Variants in RAB34 observed in about 807,000 individuals in gnomAD.
The protein encoded by RAB34 is ras-related protein Rab-34.
Under a neutral mutation model 39.0 loss-of-function variants are expected in RAB34, and 33 were observed. The ratio of observed to expected loss-of-function variants is 0.85; its 90% CI spans 0.64 to 1.13. RAB34 has a LOEUF of 1.13. Ranked by LOEUF, RAB34 falls within the 50% of genes most tolerant of loss-of-function variation. The pLI, the probability that RAB34 is intolerant of heterozygous loss-of-function variation, is 0.00. For missense variants in RAB34, 289 were observed against 326.1 expected (o/e 0.89, Z 0.88); for synonymous variants, 135 against 125.1 (o/e 1.08, Z -0.53).
Position 28,715,184 on chromosome 17 carries a change from G to C in RAB34, c.513+11C>G, listed in dbSNP as rs550662761. Reference sequence around the variant, plus strand: ...CACCAAGCTGGGAAGTCCCCCCACTGGCACACTCACACTCAGATCCTTCTT... The same window carrying C: ...CACCAAGCTGGGAAGTCCCCCCACTCGCACACTCACACTCAGATCCTTCTT... On this transcript the variant is annotated intron_variant, in intron 7 of 9. Coordinates refer to ENST00000395245, the MANE Select transcript of RAB34 (RefSeq NM_031934.6). 1 of 1,613,850 alleles carries C rather than the reference G, an allele frequency of 6.2e-7. No individual in the cohort carries two copies. The highest frequency in any genetic ancestry group is 8.5e-7 in the Non-Finnish European group (1 of 1,179,812).
In RAB34 at chr17:28,715,047, C is replaced by T; in HGVS notation, c.589G>A (p.Val197Ile). ...TCCAACTCACCAGTGAGAGATGAGA[C>T]TGCCCAGTACTCAGCCTTCATCTCC... ...AQEMKAEYWA[V>I]SSLTGENVRE... Residue 197 changes from valine to isoleucine, a missense_variant, in exon 8 of 10, where the codon GTC (valine) becomes ATC (isoleucine). Coordinates refer to ENST00000395245, the MANE Select transcript of RAB34 (RefSeq NM_031934.6). 1 of 1,614,008 alleles carries T rather than the reference C, an allele frequency of 6.2e-7. No homozygotes were observed. Among genetic ancestry groups the T allele is most frequent in the Non-Finnish European group, 8.5e-7 (1 of 1,179,934 alleles).
In RAB34 at chr17:28,716,027, C is replaced by G. The variant is rs781568212; in HGVS notation, c.178G>C (p.Asp60His). The change falls in exon 3 of 10, where the codon GAC (aspartate) becomes CAC (histidine). Residue 60 changes from aspartate to histidine, a missense_variant. Asp to His is a moderately conservative substitution (Grantham distance 81). Transcript: ENST00000395245. ...AGGCAAGTCTTCCCCACCGACAGGT[C>G]CCCCACCACAATGACCTTGGAGATC... ...FKISKVIVVG[D>H]LSVGKTCLIN... 6.2e-7 allele frequency: 1 copy of G among 1,614,008 alleles called. No homozygotes were observed. The highest frequency in any genetic ancestry group is 1.1e-5 in the South Asian group (1 of 91,060).
At chr17:28,716,344 A>G (rs960913901) in intron 2 of RAB34, 1 of 446,392 alleles carries the variant, frequency 2.2e-6, no homozygotes, top group African/African-American at 2.0e-5. Flanking sequence ...ACATTTAAGT[A>G]AAGTTAGTAT....
rs1282012964 is a variant in RAB34, at chr17:28,715,662, T to A, written c.358A>T (p.Thr120Ser). The change falls in exon 5 of 10, where the codon ACC becomes TCC. Residue 120 changes from threonine (T) to serine (S), a missense_variant. Transcript: ENST00000395245. ...TTACCTTGAGCTCCTCTATAGTAGG[T>A]TGATGCAATGCATTTGAACCTCTCC... ...GQERFKCIAS[T>S]YYRGAQAIII... The A allele has an allele frequency of 1.2e-6, 2 of 1,613,928 alleles. No homozygotes were observed. The highest frequency in any genetic ancestry group is 1.7e-6 in the Non-Finnish European group (2 of 1,180,010).
rs1433182557 is a variant in RAB34 at position 28,714,427 on chromosome 17, C to T, written c.*216G>A. The T allele has an allele frequency of 6.4e-6, 6 of 942,208 alleles. No homozygotes were observed. Among genetic ancestry groups the T allele is most frequent in the Non-Finnish European group, 9.9e-6 (6 of 605,466 alleles). 58.4% of individuals were successfully genotyped at this position (942,208 alleles called of 1,614,324 possible). Reference sequence around the variant, plus strand: ...TACCACTGGGCGCCCTGGACAGTCCCCTGAGGAGTAGGGGGCATCCAGTCT... The same window carrying T: ...TACCACTGGGCGCCCTGGACAGTCCTCTGAGGAGTAGGGGGCATCCAGTCT... On this transcript the variant is annotated 3_prime_UTR_variant, in exon 10 of 10. Coordinates refer to ENST00000395245, the MANE Select transcript of RAB34 (RefSeq NM_031934.6).
At position 28,714,848 on chromosome 17, in the gene RAB34, G is replaced by A. The variant is rs1417751968; in HGVS notation, c.657C>T (p.Ala219=). 6.2e-7 allele frequency: 1 copy of A among 1,614,138 alleles called. No homozygotes were observed. Among genetic ancestry groups the A allele is most frequent in the South Asian group, 1.1e-5 (1 of 91,092 alleles). The part of the protein sequence containing the change: ...FFRVAALTFE[A]NVLAELEKSG... ...ATTTCTCCAGCTCAGCCAGCACATTGGCCTCAAAGGTCAGTGCTGCCACAC... is the reference window on the plus strand; with the variant it reads ...ATTTCTCCAGCTCAGCCAGCACATTAGCCTCAAAGGTCAGTGCTGCCACAC... Residue 219 remains alanine, a synonymous_variant, in exon 9 of 10, where the codon GCC becomes GCT. Coordinates refer to ENST00000395245, the MANE Select transcript of RAB34 (RefSeq NM_031934.6).
rs202218371 is a variant in RAB34 at position 28,716,902 on chromosome 17, C to T, written c.146+1G>A. On this transcript the variant is annotated splice_donor_variant, in intron 2 of 9. Transcript: ENST00000395245. LOFTEE classifies it high-confidence loss of function. Reference sequence around the variant, plus strand: ...CTTTGTTGTGGGTGTCCCTAACTCACCCCACGGTGCCTGTCCGGTGCTCCT... The same window carrying T: ...CTTTGTTGTGGGTGTCCCTAACTCATCCCACGGTGCCTGTCCGGTGCTCCT... The T allele has an allele frequency of 6.2e-7, 1 of 1,611,488 alleles. No individual in the cohort carries two copies. Among genetic ancestry groups the T allele is most frequent in the African/African-American group, 1.3e-5 (1 of 74,972 alleles).
upstream of RAB34, chr17:28,718,119 T>C: frequency 6.8e-6 from 11 of 1,609,486 alleles, no homozygotes; most frequent in Non-Finnish European, 9.3e-6. Flanking sequence ...TGGGGACCCT[T>C]ACCCAGCCGA....
chr17:28,715,908 G>T lies in RAB34; in HGVS notation c.213-7C>A. 1 of 1,613,322 alleles carries T rather than the reference G, an allele frequency of 6.2e-7. No homozygotes were observed. The highest frequency in any genetic ancestry group is 1.7e-5 in the Admixed American group (1 of 60,030). On this transcript the variant is annotated splice_region_variant and splice_polypyrimidine_tract_variant and intron_variant, in intron 3 of 9. Transcript: ENST00000395245. ...AAAGGTGTCTTTGCAGAACCTGAGA[G>T]GGTACCAGATGCTGTGATCTGGAGC...
In RAB34 at chr17:28,717,104, C is replaced by T. The variant is rs1233317615; in HGVS notation, c.54+109G>A. The T allele has an allele frequency of 5.2e-6, 8 of 1,545,044 alleles. No individual in the cohort carries two copies. The East Asian group carries it at 1.8e-4, about 35-fold the overall frequency. ...CAGGGACCACCCAGAAGCACCAGGC[C>T]TAGCTGGGTGGCAGGGCTGGGCCCA... On this transcript the variant is annotated intron_variant, in intron 1 of 9. Transcript: ENST00000395245.
At position 28,717,296 on chromosome 17, in the gene RAB34, G is replaced by C. The variant is rs1437347433; in HGVS notation, c.-30C>G. 7 of 1,575,018 alleles carry C rather than the reference G, an allele frequency of 4.4e-6. No individual in the cohort carries two copies. The highest frequency in any genetic ancestry group is 6.0e-6 in the Non-Finnish European group (7 of 1,164,378). ...CCTGCGGCCTTGCAGGGCGCCCTGA[G>C]AAGGCGCCGAGGCCGGATCCGCGTC... On this transcript the variant is annotated 5_prime_UTR_variant, in exon 1 of 10. Coordinates refer to ENST00000395245, the MANE Select transcript of RAB34 (RefSeq NM_031934.6).
upstream of RAB34, chr17:28,718,131 T>C (rs201157834): frequency 9.4e-5 from 151 of 1,610,332 alleles, no homozygotes; most frequent in East Asian, 2.8e-3. Context: ...CCCAGCCGAA[T>C]TGGTGATGGG....
chr17:28,718,205 G>A (rs752311130), upstream of RAB34: 3 of 1,604,810 alleles, frequency 1.9e-6, no homozygotes, highest in Admixed American at 5.1e-5. Context: ...GAAAGGGGGA[G>A]AGAAGGGGCC....
At position 28,717,792 on chromosome 17, in the gene RAB34, G is replaced by A; in HGVS notation, c.-526C>T. 3 of 1,324,622 alleles carry A rather than the reference G, an allele frequency of 2.3e-6. No individual in the cohort carries two copies. The highest frequency in any genetic ancestry group is 2.9e-6 in the Non-Finnish European group (3 of 1,043,174). 82.1% of individuals were successfully genotyped at this position (1,324,622 alleles called of 1,614,324 possible). A position where few individuals can be genotyped will look rare whatever the true frequency, so the allele number is the denominator to read the frequency against. ...GCGGCGCTGCCAAGGCCCGCAGGCC[G>A]CTGGAGGAGGGGGCGAGGGGCCCAG... On this transcript the variant is annotated 5_prime_UTR_variant, in exon 1 of 10. Coordinates refer to ENST00000395245, the MANE Select transcript of RAB34 (RefSeq NM_031934.6).
Position 28,714,668 on chromosome 17 carries a change from T to C in RAB34, c.755A>G (p.Lys252Arg). 6.2e-7 allele frequency: 1 copy of C among 1,614,166 alleles called. No homozygotes were observed. The highest frequency in any genetic ancestry group is 8.5e-7 in the Non-Finnish European group (1 of 1,180,034). The part of the protein sequence containing the change: ...DDSNLYLTAS[K>R]KKPTCCP The stretch of plus-strand genomic sequence containing the variant: ...TCATGGGCAACATGTGGGCTTCTTC[T>C]TGCTGGCAGTTAGGTAGAGGTTGCT... The change falls in exon 10 of 10, where the codon AAG (lysine) becomes AGG (arginine). Residue 252 changes from lysine to arginine, a missense_variant. Coordinates refer to ENST00000395245, the MANE Select transcript of RAB34 (RefSeq NM_031934.6).
intron 2 of RAB34, 76 bp downstream of exon 2, chr17:28,716,827 G>A: frequency 1.3e-6 from 2 of 1,519,002 alleles, no homozygotes; most frequent in Non-Finnish European, 1.8e-6. Flanking sequence ...GCCCCAAGGG[G>A]GTGGTTGTTT....
chr17:28,714,932 C>T, intron 8 of RAB34, 32 bp from the exon 9 acceptor site: 2 of 1,604,240 alleles, frequency 1.2e-6, no homozygotes, highest in Non-Finnish European at 1.7e-6. Flanking sequence ...TGCTCAGGGG[C>T]AGTGCTGGGT....
At position 28,715,108 on chromosome 17, in the gene RAB34, A is replaced by T; in HGVS notation, c.528T>A (p.Tyr176Ter). The change falls in exon 8 of 10, where the codon TAT becomes TAA. Residue 176 changes from tyrosine (Y) to a stop codon, truncating the protein, a stop_gained. Coordinates refer to ENST00000395245, the MANE Select transcript of RAB34 (RefSeq NM_031934.6). LOFTEE classifies it high-confidence loss of function. ...GGAGGGCGTCTTTCTCCATCAGCGC[A>T]TACTGAGCAGGGGTCTGAGGGAAGG... ...SKKDLSTPAQ[Y>*]ALMEKDALQV... 6.2e-7 allele frequency: 1 copy of T among 1,614,140 alleles called. No individual in the cohort carries two copies. The highest frequency in any genetic ancestry group is 8.5e-7 in the Non-Finnish European group (1 of 1,180,032).
upstream of RAB34, chr17:28,717,902 G>GC (rs1017639657): frequency 3.7e-6 from 5 of 1,354,162 alleles, no homozygotes; most frequent in Admixed American, 7.6e-5. Context: ...GAGAAGGGCC[G>GC]CCCCCCGCCC....
Sources: allele counts gnomAD v4.1 joint callset, GRCh38; gene constraint gnomAD v4.1.1; transcripts MANE v1.5; gene names NCBI Gene and HGNC (gene_info 2026-07-23, HGNC 2026-07-21).